MAPK15: variants seen among roughly 807,000 people sequenced by gnomAD.
MAPK15 encodes the protein mitogen-activated protein kinase 15.
Under a neutral mutation model 60.8 loss-of-function variants are expected in MAPK15, and 61 were observed. That is an observed-to-expected ratio of 1.00 (90% CI 0.82 to 1.24). The LOEUF is 1.24. Ranked by LOEUF, MAPK15 falls within the 50% of genes most tolerant of loss-of-function variation. The probability of loss-of-function intolerance (pLI) is 0.00; values close to 1 mark genes in which losing one functional copy is unlikely to be tolerated. For synonymous variants in MAPK15, 356 were observed against 319.9 expected, an observed-to-expected ratio of 1.11 and a Z score of -1.21; for missense variants, 808 against 741.1, an observed-to-expected ratio of 1.09 and a Z score of -1.05.
chr8:143,718,872 C>T lies in MAPK15; in HGVS notation c.384C>T (p.Leu128=). ...AGCTCCTGCGGGCCACCCGGTTCCTCCACTCGGGGCACGTTGTGCACCGGG... is the reference window on the plus strand; with the variant it reads ...AGCTCCTGCGGGCCACCCGGTTCCTTCACTCGGGGCACGTTGTGCACCGGG... ...FYQLLRATRF[L]HSGHVVHRDQ... Residue 128 remains leucine (L), a synonymous_variant, in exon 5 of 14, where the codon CTC becomes CTT. Transcript: ENST00000338033. 6.2e-7 allele frequency: 1 copy of T among 1,611,172 alleles called. No homozygotes were observed. Among genetic ancestry groups the T allele is most frequent in the Middle Eastern group, 1.7e-4 (1 of 6,056 alleles).
rs782146122 is a variant in MAPK15, at chr8:143,720,882, G to T, written c.917+42G>T. The stretch of plus-strand genomic sequence containing the variant: ...GTCCCCCAAGTGCGGGGGGACAGAG[G>T]TGGGGGCAGGAGAGAGCCAGCCCAT... On this transcript the variant is annotated intron_variant, in intron 9 of 13. Transcript: ENST00000338033. The surrounding 1 kb of genome is among the most constrained non-coding windows in gnomAD (Gnocchi z 4.6). The T allele has an allele frequency of 2.9e-5, 46 of 1,600,974 alleles. No individual in the cohort carries two copies. Among genetic ancestry groups the T allele is most frequent in the Non-Finnish European group, 3.7e-5 (44 of 1,175,098 alleles).
chr8:143,722,029 G>C (rs782588778), intron 13 of MAPK15, 46 bp from the exon 14 acceptor site: 6 of 1,575,378 alleles, frequency 3.8e-6, no homozygotes, highest in Non-Finnish European at 4.3e-6. Flanking sequence ...CCCCTCCACT[G>C]CACCCCCTCT....
intron 1 of MAPK15, among the ~76,000 whole-genome samples, 158 bp from the exon 2 acceptor site, chr8:143,717,536 G>A (rs1264498728): frequency 6.6e-6 from 1 of 152,170 alleles, no homozygotes; most frequent in Non-Finnish European, 1.5e-5. Context: ...TCTGGAAGAT[G>A]TCGGAGTCTA....
At chr8:143,719,676 G>A (rs1467349021) in intron 7 of MAPK15, among the ~76,000 whole-genome samples, 194 bp downstream of exon 7, 1 of 152,142 alleles carries the variant, frequency 6.6e-6, no homozygotes, top group Non-Finnish European at 1.5e-5. Context: ...GGGGGTGGGT[G>A]TGGGCAAGGC....
At position 143,716,427 on chromosome 8, in the gene MAPK15, G is replaced by T; in HGVS notation, c.50G>T (p.Arg17Leu). The T allele has an allele frequency of 1.9e-6, 3 of 1,603,748 alleles. No individual in the cohort carries two copies. Among genetic ancestry groups the T allele is most frequent in the South Asian group, 1.1e-5 (1 of 89,506 alleles). ...PRIVRRYLLR[R>L]QLGQGAYGIV... is the part of the protein sequence containing the mutation. ...ATTGTCCGGAGATACCTACTCAGGCGGCAGCTCGGGCAGGGGGTGAGTGCC... is the reference window on the plus strand; with the variant it reads ...ATTGTCCGGAGATACCTACTCAGGCTGCAGCTCGGGCAGGGGGTGAGTGCC... The change falls in exon 1 of 14, where the codon CGG (arginine) becomes CTG (leucine). Residue 17 changes from arginine (R) to leucine (L), a missense_variant. Transcript: ENST00000338033.
chr8:143,716,800 G>A (rs1817828501), intron 1 of MAPK15, among the ~76,000 whole-genome samples: 1 of 152,244 alleles, frequency 6.6e-6, no homozygotes, highest in Non-Finnish European at 1.5e-5. Flanking sequence ...CTGAGAGGAA[G>A]GGCGGACCCC....
intron 1 of MAPK15, among the ~76,000 whole-genome samples, chr8:143,717,270 A>G (rs975831846): frequency 3.9e-5 from 6 of 152,116 alleles, no homozygotes; most frequent in Non-Finnish European, 8.8e-5. Flanking sequence ...ACGCAGCGAG[A>G]GATGCCAGAG....
rs200749268 is a variant in MAPK15 at position 143,720,708 on chromosome 8, G to A, written c.785G>A (p.Arg262Gln). 5.0e-6 allele frequency: 8 copies of A among 1,611,146 alleles called. No individual in the cohort carries two copies. The East Asian group carries it at 1.3e-4, about 27-fold the overall frequency. ...CGACACACGGCAGCCCACAGGCCAC[G>A]ACAGACGCTGGATGCCCTCCTACCG... ...SVLHQLGSRPRQTLDALLPPD... is the reference protein window; with the variant it reads ...SVLHQLGSRPQQTLDALLPPD... The change falls in exon 9 of 14, where the codon CGA becomes CAA. Residue 262 changes from arginine to glutamine, a missense_variant. Physicochemically the swap from Arg to Gln is conservative, Grantham distance 43. Transcript: ENST00000338033. This position sits in a 1 kb window ranked among gnomAD's most constrained non-coding sequence, Gnocchi z 4.6.
intron 4 of MAPK15, 48 bp from the exon 5 acceptor site, chr8:143,718,727 G>GGGC: frequency 7.8e-6 from 4 of 514,510 alleles, no homozygotes; most frequent in Non-Finnish European, 1.3e-5. Context: ...CCCCCAGGTT[G>GGGC]CCCCCCCAGC....
intron 4 of MAPK15, 37 bp from the exon 5 acceptor site, chr8:143,718,738 C>T: frequency 8.7e-7 from 1 of 1,152,900 alleles, no homozygotes; most frequent in Non-Finnish European, 1.2e-6. Context: ...CCCCCCCAGC[C>T]CCCCACCCCC....
chr8:143,720,248 C>T lies in MAPK15; in HGVS notation c.740C>T (p.Ser247Leu), dbSNP rs782688684. 4.2e-5 allele frequency: 67 copies of T among 1,586,042 alleles called. No individual in the cohort carries two copies. Among genetic ancestry groups the T allele is most frequent in the Middle Eastern group, 3.3e-4 (2 of 6,046 alleles). ...PSEEDLLALG[S>L]GCRASVLHQL... ...GCCCCAGACCTCCTGGCTCTCGGCT[C>T]AGGCTGCCGTGCCTCTGTGCTGCAC... The change falls in exon 8 of 14, where the codon TCA becomes TTA. Residue 247 changes from serine (S) to leucine (L), a missense_variant. Coordinates refer to ENST00000338033, the MANE Select transcript of MAPK15 (RefSeq NM_139021.3). The surrounding 1 kb of genome is among the most constrained non-coding windows in gnomAD (Gnocchi z 4.6).
At position 143,718,311 on chromosome 8, in the gene MAPK15, GGCCCC is replaced by G. The variant is rs1390083002; in HGVS notation, c.286+11_286+15del. ...GGTGTTTGAGTTTATGGGTGAGTGA[GGCCCC>G]GGCCAGCGCCCCAGCCCCACCTCTG... On this transcript the variant is annotated intron_variant, in intron 4 of 13. Coordinates refer to ENST00000338033, the MANE Select transcript of MAPK15 (RefSeq NM_139021.3). 5 of 1,613,222 alleles carry G rather than the reference GGCCCC, an allele frequency of 3.1e-6. No homozygotes were observed. The African/African-American group carries it at 6.7e-5, about 22-fold the overall frequency.
In MAPK15 at chr8:143,721,404, CG is replaced by C. The variant is rs781786252; in HGVS notation, c.1198del (p.Glu400SerfsTer25). On this transcript the variant is annotated frameshift_variant, in exon 11 of 14. Coordinates refer to ENST00000338033, the MANE Select transcript of MAPK15 (RefSeq NM_139021.3). LOFTEE classifies it high-confidence loss of function. ...AGAGCAGCCCAGGCCATGACCCTGC[CG>C]AGCACGGTGTGTGATCTTTGCTGGC... ...PQSSPGHDPA[E>X]HESPRAAKNV... 1 of 1,610,698 alleles carries C rather than the reference CG, an allele frequency of 6.2e-7. No homozygotes were observed. The highest frequency in any genetic ancestry group is 8.5e-7 in the Non-Finnish European group (1 of 1,178,532).
intron 4 of MAPK15, 48 bp from the exon 5 acceptor site, chr8:143,718,727 G>GTCCCCCCCCCCCCCCCCCCCCC: frequency 1.9e-6 from 1 of 514,524 alleles, no homozygotes; most frequent in South Asian, 4.1e-5. Flanking sequence ...CCCCCAGGTT[G>GTCCCCCCCCCCCCCCCCCCCCC]CCCCCCCAGC....
chr8:143,720,881 G>A lies in MAPK15; in HGVS notation c.917+41G>A, dbSNP rs1371795304. The A allele has an allele frequency of 3.7e-6, 6 of 1,600,892 alleles. No individual in the cohort carries two copies. The highest frequency in any genetic ancestry group is 4.3e-6 in the Non-Finnish European group (5 of 1,175,036). On this transcript the variant is annotated intron_variant, in intron 9 of 13. Coordinates refer to ENST00000338033, the MANE Select transcript of MAPK15 (RefSeq NM_139021.3). This position sits in a 1 kb window ranked among gnomAD's most constrained non-coding sequence, Gnocchi z 4.6. ...AGTCCCCCAAGTGCGGGGGGACAGA[G>A]GTGGGGGCAGGAGAGAGCCAGCCCA...
rs369901454 is a variant in MAPK15 at position 143,721,226 on chromosome 8, C to G, written c.1024-5C>G. ...TGACCTCTGAGCACCCTTCCCCTCC[C>G]GCAGATGATCCTGGAGTGTGGAGGC... On this transcript the variant is annotated splice_region_variant and splice_polypyrimidine_tract_variant and intron_variant, in intron 10 of 13. Transcript: ENST00000338033. The G allele has an allele frequency of 7.5e-6, 12 of 1,605,388 alleles. No homozygotes were observed. The East Asian group carries it at 2.7e-4, about 36-fold the overall frequency.
At chr8:143,717,519 C>A (rs577851359) in intron 1 of MAPK15, among the ~76,000 whole-genome samples, 175 bp from the exon 2 acceptor site, 1 of 152,320 alleles carries the variant, frequency 6.6e-6, no homozygotes, top group African/African-American at 2.4e-5. Context: ...CCCTCTACCT[C>A]CCCTCCTCTG....
At position 143,716,493 on chromosome 8, in the gene MAPK15, GGA is replaced by G. The variant is rs782255109; in HGVS notation, c.66+56_66+57del. 2.6e-6 allele frequency: 4 copies of G among 1,553,918 alleles called. No homozygotes were observed. In the East Asian group the frequency reaches 9.6e-5, roughly 37 times the overall value. The stretch of plus-strand genomic sequence containing the variant: ...GCGCCGAGGGGCGCGGCAGATCTGC[GGA>G]GAGAGGACCTGCGGGGCGCGGCCGG... On this transcript the variant is annotated intron_variant, in intron 1 of 13. Coordinates refer to ENST00000338033, the MANE Select transcript of MAPK15 (RefSeq NM_139021.3).
At chr8:143,716,852 C>G (rs1817830644) in intron 1 of MAPK15, among the ~76,000 whole-genome samples, 2 of 151,920 alleles carry the variant, frequency 1.3e-5, no homozygotes. Flanking sequence ...AGGGCCTGAG[C>G]GGTTATGGGG....
Sources: gnomAD v4.1 joint callset for allele counts (sites outside exome capture counted in the v4.1 genomes callset) on GRCh38, gnomAD v4.1.1 for gene constraint, Gnocchi (gnomAD v3.1) non-coding constraint, MANE v1.5 for transcripts, NCBI Gene and HGNC (gene_info 2026-07-23, HGNC 2026-07-21) for gene names.